ALKBH3: variants seen among roughly 807,000 people sequenced by gnomAD.
ALKBH3 encodes the protein alkB homolog 3, alpha-ketoglutarate dependent dioxygenase.
ALKBH3 carries 51 observed loss-of-function variants against 43.9 expected under a neutral mutation model. That is an observed-to-expected ratio of 1.16 (90% CI 0.93 to 1.47). The LOEUF is 1.47. Among genes scored for constraint, ALKBH3 ranks in the 40% most tolerant of loss-of-function variants. The probability of loss-of-function intolerance (pLI) is 0.00; values close to 1 mark genes in which losing one functional copy is unlikely to be tolerated. For missense variants in ALKBH3, 361 were observed against 351.9 expected (o/e 1.03, Z -0.21); for synonymous variants, 102 against 115.2 (o/e 0.89, Z 0.73).
chr11:43,883,957 A>G, intron 3 of ALKBH3, 26 bp from the exon 4 acceptor site: 3 of 1,613,244 alleles, frequency 1.9e-6, no homozygotes, highest in Non-Finnish European at 2.5e-6. Flanking sequence ...ACATCCCAGA[A>G]GTAAGATCCG....
intron 7 of ALKBH3, chr11:43,898,049 T>A (rs891541826): frequency 6.3e-5 from 59 of 941,010 alleles, no homozygotes; most frequent in Non-Finnish European, 9.5e-5. Flanking sequence ...ATGGCTGTTG[T>A]CATCCCAGAT....
Position 43,899,315 on chromosome 11 carries a change from C to G in ALKBH3, c.460-2201C>G, listed in dbSNP as rs1028945504. 32 of 699,396 alleles carry G rather than the reference C, an allele frequency of 4.6e-5. No individual in the cohort carries two copies. The South Asian group carries it at 4.6e-4, about 10-fold the overall frequency. 43.3% of individuals were successfully genotyped at this position (699,396 alleles called of 1,614,324 possible). A position where few individuals can be genotyped will look rare whatever the true frequency, so the allele number is the denominator to read the frequency against. On this transcript the variant is annotated intron_variant, in intron 7 of 9. Transcript: ENST00000302708. Reference sequence around the variant, plus strand: ...GACCACGTGGCCGGGCCTCTGCATCCTGCAGTGGAAATTCCACAGCATGCC... The same window carrying G: ...GACCACGTGGCCGGGCCTCTGCATCGTGCAGTGGAAATTCCACAGCATGCC...
At chr11:43,895,958 G>A (rs1419008073) in intron 7 of ALKBH3, among the ~76,000 whole-genome samples, 1 of 152,182 alleles carries the variant, frequency 6.6e-6, no homozygotes, top group African/African-American at 2.4e-5. Flanking sequence ...GAAATTAAAA[G>A]TGTACCTAAA....
At chr11:43,896,078 A>G (rs1465267775) in intron 7 of ALKBH3, among the ~76,000 whole-genome samples, 1 of 152,218 alleles carries the variant, frequency 6.6e-6, no homozygotes. Context: ...GACTGTGGTT[A>G]TTCAAACTTG....
rs1590385315 is a variant in ALKBH3 at position 43,920,002 on chromosome 11, C to A, written c.853C>A (p.Pro285Thr). 6.2e-7 allele frequency: 1 copy of A among 1,613,708 alleles called. No homozygotes were observed. The highest frequency in any genetic ancestry group is 8.5e-7 in the Non-Finnish European group (1 of 1,179,688). ...RTVYPDPRGA[P>T]W ...AGTCTATCCAGACCCTCGAGGGGCA[C>A]CCTGGTGACGTCAGAGCTTTGAGAG... is the stretch of plus-strand genomic sequence containing the variant. The change falls in exon 10 of 10, where the codon CCC (proline) becomes ACC (threonine). Residue 285 changes from proline to threonine, a missense_variant. Pro to Thr is a conservative substitution (Grantham distance 38). Transcript: ENST00000302708.
At chr11:43,897,682 AT>A in intron 7 of ALKBH3, 1 of 828,928 alleles carries the variant, frequency 1.2e-6, no homozygotes. Context: ...GCAGGAGTTG[AT>A]TACGTTTATT....
intron 4 of ALKBH3, among the ~76,000 whole-genome samples, chr11:43,885,720 C>G (rs1182174367): frequency 6.6e-6 from 1 of 152,182 alleles, no homozygotes; most frequent in East Asian, 1.9e-4. Flanking sequence ...CACTGGGAAG[C>G]AATAATCTAC....
intron 8 of ALKBH3, among the ~76,000 whole-genome samples, chr11:43,904,096 TCTC>T (rs1951880514): frequency 6.6e-6 from 1 of 152,144 alleles, no homozygotes; most frequent in Non-Finnish European, 1.5e-5. Flanking sequence ...AGCTTTCTCT[TCTC>T]CTCAGCCTTC....
intron 7 of ALKBH3, 141 bp downstream of exon 7, chr11:43,892,270 C>T: frequency 1.5e-6 from 1 of 676,840 alleles, no homozygotes. Flanking sequence ...AACATTGAGT[C>T]TTTGTGCTTG....
At chr11:43,910,698 T>G (rs552153333) in intron 8 of ALKBH3, among the ~76,000 whole-genome samples, 1 of 152,340 alleles carries the variant, frequency 6.6e-6, no homozygotes, top group South Asian at 2.1e-4. Context: ...CTGAATTCTT[T>G]CTTGAACTAT....
At chr11:43,906,174 T>C (rs1252796108) in intron 8 of ALKBH3, among the ~76,000 whole-genome samples, 1 of 152,208 alleles carries the variant, frequency 6.6e-6, no homozygotes, top group African/African-American at 2.4e-5. Context: ...CCTGTTTGTA[T>C]TGCCAGGAGA....
chr11:43,908,346 G>A (rs920191451), intron 8 of ALKBH3, among the ~76,000 whole-genome samples: 6 of 152,114 alleles, frequency 3.9e-5, no homozygotes, highest in Non-Finnish European at 8.8e-5. Flanking sequence ...GATTGTGTCT[G>A]ATCAGATTAT....
chr11:43,898,836 G>C (rs1452378385), intron 7 of ALKBH3: 1 of 765,492 alleles, frequency 1.3e-6, no homozygotes, highest in Non-Finnish European at 2.4e-6. Flanking sequence ...ATGACTACCA[G>C]GGTCCTGGAG....
At chr11:43,914,691 T>G (rs1433534880) in intron 8 of ALKBH3, among the ~76,000 whole-genome samples, 2 of 152,176 alleles carry the variant, frequency 1.3e-5, no homozygotes, top group African/African-American at 2.4e-5. Context: ...CTCTAAAATT[T>G]TTGAGCTATT....
chr11:43,898,017 C>G (rs866709837), intron 7 of ALKBH3: 1 of 875,638 alleles, frequency 1.1e-6, no homozygotes, highest in Non-Finnish European at 2.0e-6. Context: ...CTTCGTCATC[C>G]TGCAAGAAAC....
intron 8 of ALKBH3, among the ~76,000 whole-genome samples, chr11:43,904,075 C>G (rs1440280427): frequency 1.3e-5 from 2 of 152,194 alleles, no homozygotes; most frequent in African/African-American, 4.8e-5. Context: ...TCCTGCCGTG[C>G]CCCATGCTGT....
intron 7 of ALKBH3, chr11:43,898,459 C>G (rs1951835649): frequency 1.1e-5 from 10 of 902,938 alleles, no homozygotes; most frequent in Non-Finnish European, 1.8e-5. Flanking sequence ...CCTCTGTATG[C>G]TCAGGCTGGG....
At position 43,892,143 on chromosome 11, in the gene ALKBH3, T is replaced by C. The variant is rs767103834; in HGVS notation, c.459+14T>C. ...CCAAATCCTCACGTATGTCAACATA[T>C]TGTCATTGGTATGGTTTTATAGACT... On this transcript the variant is annotated intron_variant, in intron 7 of 9. Coordinates refer to ENST00000302708, the MANE Select transcript of ALKBH3 (RefSeq NM_139178.4). The C allele has an allele frequency of 5.1e-6, 8 of 1,581,118 alleles. No homozygotes were observed. In the Admixed American group the frequency reaches 6.7e-5, roughly 13 times the overall value.
intron 8 of ALKBH3, among the ~76,000 whole-genome samples, chr11:43,906,138 T>C (rs12790543): frequency 0.24 from 36,137 of 152,200 alleles, 4,806 homozygotes; most frequent in Admixed American, 0.4. Context: ...CCACTCCTCT[T>C]TTTAGCCCTT....
Sources: gnomAD v4.1 joint callset for allele counts (sites outside exome capture counted in the v4.1 genomes callset) on GRCh38, gnomAD v4.1.1 for gene constraint, MANE v1.5 for transcripts, NCBI Gene and HGNC (gene_info 2026-07-23, HGNC 2026-07-21) for gene names.